The following PELI2 variants were observed in gnomAD, a reference collection of about 807,000 sequenced individuals.
PELI2 encodes E3 ubiquitin-protein ligase pellino homolog 2.
In PELI2, 23 loss-of-function variants were observed where a neutral mutation model predicts 42.3. The observed-to-expected ratio is 0.54, with a 90% CI of 0.39 to 0.77. The LOEUF (loss-of-function observed/expected upper bound fraction) is 0.77. PELI2 is among the 30% of genes least tolerant of loss of function. The pLI is 0.00. For synonymous variants in PELI2, 245 were observed against 212.2 expected (o/e 1.15, Z -1.34); for missense variants, 463 against 553.2 (o/e 0.84, Z 1.64).
At chr14:56,272,504 T>G (rs1213886463) in intron 2 of PELI2, among the ~76,000 whole-genome samples, 1 of 152,196 alleles carries the variant, frequency 6.6e-6, no homozygotes, top group African/African-American at 2.4e-5. Context: ...CCTCATAGTT[T>G]CTAACATACA....
In PELI2 at chr14:56,300,719, GACAA is replaced by G. The variant is rs1388019480; in HGVS notation, c.*3556_*3559del. 6.6e-6 allele frequency: 1 copy of G among 152,106 alleles called. No individual in the cohort carries two copies. Among genetic ancestry groups the G allele is most frequent in the Non-Finnish European group, 1.5e-5 (1 of 68,020 alleles). 9.4% of individuals were successfully genotyped at this position (152,106 alleles called of 1,614,324 possible). A position where few individuals can be genotyped will look rare whatever the true frequency, so the allele number is the denominator to read the frequency against. On this transcript the variant is annotated 3_prime_UTR_variant, in exon 6 of 6. Coordinates refer to ENST00000267460, the MANE Select transcript of PELI2 (RefSeq NM_021255.3). ...CCTCATAACAGTGGAATTTCTGATA[GACAA>G]ACCACAGGACTTTGATTTTAAGCCA...
At chr14:56,181,477 G>A (rs1885577814) in intron 2 of PELI2, among the ~76,000 whole-genome samples, 1 of 151,676 alleles carries the variant, frequency 6.6e-6, no homozygotes, top group Admixed American at 6.6e-5. Context: ...TGATGCTGCA[G>A]TATTGGTAAT....
At chr14:56,191,284 T>G (rs1594624637) in intron 2 of PELI2, among the ~76,000 whole-genome samples, 3 of 152,248 alleles carry the variant, frequency 2.0e-5, no homozygotes, top group Admixed American at 2.0e-4. Flanking sequence ...TTTCATGAAG[T>G]GCAAAGCAGT....
chr14:56,297,121 G>C lies in PELI2; in HGVS notation c.1218G>C (p.Gly406=). 1 of 1,604,632 alleles carries C rather than the reference G, an allele frequency of 6.2e-7. No homozygotes were observed. The highest frequency in any genetic ancestry group is 1.3e-5 in the African/African-American group (1 of 75,034). Residue 406 remains glycine, a synonymous_variant, in exon 6 of 6, where the codon GGG becomes GGC. Coordinates refer to ENST00000267460, the MANE Select transcript of PELI2 (RefSeq NM_021255.3). ...CTTTCTGTGCTACACAGCTGGTTGG[G>C]GAGCAAAACTGCATCAAATTAATTT... ...ACPFCATQLV[G]EQNCIKLIFQ...
At position 56,296,912 on chromosome 14, in the gene PELI2, A is replaced by T; in HGVS notation, c.1009A>T (p.Met337Leu). Residue 337 changes from methionine (M) to leucine (L), a missense_variant, in exon 6 of 6, where the codon ATG (methionine) becomes TTG (leucine). By Grantham distance (15) the Met-to-Leu change is conservative (BLOSUM62 2). This residue lies in a region of PELI2 where 103 missense variants were observed against 129.6 expected (regional missense o/e 0.80). Coordinates refer to ENST00000267460, the MANE Select transcript of PELI2 (RefSeq NM_021255.3). ...GGAGGCCAACGAGAGGGAGTGTCCCATGTGCAGGACTGTGGGCCCCTATGT... is the reference window on the plus strand; with the variant it reads ...GGAGGCCAACGAGAGGGAGTGTCCCTTGTGCAGGACTGTGGGCCCCTATGT... ...DTEANERECP[M>L]CRTVGPYVPL... 1.2e-6 allele frequency: 2 copies of T among 1,614,122 alleles called. No individual in the cohort carries two copies. The highest frequency in any genetic ancestry group is 1.7e-6 in the Non-Finnish European group (2 of 1,180,018).
At chr14:56,155,748 A>ATT (rs35314206) in intron 1 of PELI2, among the ~76,000 whole-genome samples, 4 of 151,330 alleles carry the variant, frequency 2.6e-5, no homozygotes, top group South Asian at 2.1e-4. Context: ...CGCCCGGCTA[A>ATT]TTTTTTTTAT....
chr14:56,118,613 G>A lies in PELI2; in HGVS notation c.-48G>A, dbSNP rs1049147946. On this transcript the variant is annotated 5_prime_UTR_variant, in exon 1 of 6. Coordinates refer to ENST00000267460, the MANE Select transcript of PELI2 (RefSeq NM_021255.3). Reference sequence around the variant, plus strand: ...CGGCGCGGACTCGGCGGGGATCGCGGCGGAGGCGGCGGCGTCGGCGGCGGC... The same window carrying A: ...CGGCGCGGACTCGGCGGGGATCGCGACGGAGGCGGCGGCGTCGGCGGCGGC... 1.7e-6 allele frequency: 2 copies of A among 1,211,562 alleles called. No individual in the cohort carries two copies. Among genetic ancestry groups the A allele is most frequent in the African/African-American group, 3.4e-5 (2 of 59,280 alleles). 75.1% of individuals were successfully genotyped at this position (1,211,562 alleles called of 1,614,324 possible). A position where few individuals can be genotyped will look rare whatever the true frequency, so the allele number is the denominator to read the frequency against.
intron 1 of PELI2, among the ~76,000 whole-genome samples, chr14:56,173,444 C>T (rs1280529705): frequency 6.6e-6 from 1 of 151,798 alleles, no homozygotes; most frequent in East Asian, 1.9e-4. Flanking sequence ...TTGAAAACAA[C>T]TCTAAAATTT....
chr14:56,247,387 G>A (rs1888201099), intron 2 of PELI2, among the ~76,000 whole-genome samples: 1 of 152,198 alleles, frequency 6.6e-6, no homozygotes, highest in Admixed American at 6.5e-5. Flanking sequence ...GGATGTTTAG[G>A]TTGTCTGCAT....
rs149426988 is a variant in PELI2, at chr14:56,145,709, A to T, written c.77+26972A>T. 7.9e-5 allele frequency among the ~76,000 whole-genome samples: 12 copies of T among 152,340 alleles called. No individual in the cohort carries two copies. The East Asian group carries it at 2.3e-3, about 29-fold the overall frequency. On this transcript the variant is annotated intron_variant, in intron 1 of 5. Coordinates refer to ENST00000267460, the MANE Select transcript of PELI2 (RefSeq NM_021255.3). ...ATCATTTATTCAACCATATTTTATG[A>T]GAGTTTTTCCTATGCCATGCATTTG...
chr14:56,181,098 T>C (rs1037656559), intron 2 of PELI2, among the ~76,000 whole-genome samples: 2 of 152,182 alleles, frequency 1.3e-5, no homozygotes, highest in Non-Finnish European at 2.9e-5. Context: ...GATATGGTGC[T>C]CCTTACAGCC....
chr14:56,145,775 G>A (rs568011209), intron 1 of PELI2, among the ~76,000 whole-genome samples: 7 of 152,272 alleles, frequency 4.6e-5, no homozygotes, highest in South Asian at 4.1e-4. Flanking sequence ...CTATGAAAGG[G>A]TATATATTCT....
At chr14:56,144,473 A>G (rs945089221) in intron 1 of PELI2, among the ~76,000 whole-genome samples, 17 of 152,204 alleles carry the variant, frequency 1.1e-4, no homozygotes, top group Admixed American at 9.8e-4. Flanking sequence ...CCCACAGGCT[A>G]TCTAGGAGAA....
intron 2 of PELI2, among the ~76,000 whole-genome samples, chr14:56,227,654 G>A (rs1358249171): frequency 4.6e-5 from 7 of 152,218 alleles, no homozygotes; most frequent in Non-Finnish European, 7.3e-5. Flanking sequence ...AAGCCTGGGA[G>A]CAGCAGCACT....
At chr14:56,122,208 C>T (rs1022091119) in intron 1 of PELI2, among the ~76,000 whole-genome samples, 1 of 152,074 alleles carries the variant, frequency 6.6e-6, no homozygotes, top group African/African-American at 2.4e-5. Context: ...ACGTATGTAC[C>T]TATGTAACAA....
intron 1 of PELI2, among the ~76,000 whole-genome samples, chr14:56,122,168 G>A (rs944211391): frequency 1.3e-5 from 2 of 152,144 alleles, no homozygotes; most frequent in African/African-American, 4.8e-5. Flanking sequence ...TGTAGATGAT[G>A]GGTTGATGGG....
intron 1 of PELI2, among the ~76,000 whole-genome samples, chr14:56,177,242 G>C (rs991951667): frequency 6.6e-6 from 1 of 152,144 alleles, no homozygotes; most frequent in Non-Finnish European, 1.5e-5. Context: ...TCCAACTTCT[G>C]TTTCCCAGTG....
intron 2 of PELI2, among the ~76,000 whole-genome samples, chr14:56,227,700 G>A (rs1030942598): frequency 6.6e-6 from 1 of 152,192 alleles, no homozygotes; most frequent in East Asian, 1.9e-4. Context: ...TCCAGATCTC[G>A]GTTTCTATAT....
intron 1 of PELI2, among the ~76,000 whole-genome samples, chr14:56,176,506 T>C (rs1011763100): frequency 1.3e-5 from 2 of 152,148 alleles, no homozygotes; most frequent in South Asian, 4.1e-4. Flanking sequence ...TCATTTAACA[T>C]GCTCCCCCTA....
Sources: allele counts gnomAD v4.1 joint callset (sites outside exome capture counted in the v4.1 genomes callset), GRCh38; gene constraint gnomAD v4.1.1; regional missense constraint gnomAD v4.1.1; transcripts MANE v1.5; gene names NCBI Gene and HGNC (gene_info 2026-07-23, HGNC 2026-07-21).